The following SATL1 variants were observed in gnomAD, a reference collection of about 807,000 sequenced individuals.
SATL1 encodes spermidine/spermine N1-acetyl transferase like 1, also known as spermidine/spermine N(1)-acetyltransferase-like protein 1.
Under a neutral mutation model 51.8 loss-of-function variants are expected in SATL1, and 47 were observed. That is an observed-to-expected ratio of 0.91 (90% CI 0.72 to 1.16). The LOEUF (loss-of-function observed/expected upper bound fraction) is 1.16. Among genes scored for constraint, SATL1 ranks in the 50% most tolerant of loss-of-function variants. The pLI is 0.00. For synonymous variants in SATL1, 176 were observed against 182.4 expected, an observed-to-expected ratio of 0.97 and a Z score of 0.28; for missense variants, 520 against 526.4, an observed-to-expected ratio of 0.99 and a Z score of 0.12.
At position 85,141,258 on chromosome X, in the gene SATL1, G is replaced by A. The variant is rs749026754; in HGVS notation, c.-312-31978C>T. On this transcript the variant is annotated intron_variant, in intron 2 of 7. Coordinates refer to ENST00000644105, the MANE Select transcript of SATL1 (RefSeq NM_001367857.2). ...CACTCCTAGCTGCAAGACAGGCTGAGATAACAGTAATTAACACTCCCAGCC... is the reference window on the plus strand; with the variant it reads ...CACTCCTAGCTGCAAGACAGGCTGAAATAACAGTAATTAACACTCCCAGCC... Among the ~76,000 whole-genome samples the A allele has an allele frequency of 4.5e-5, 5 of 111,989 alleles. No individual in the cohort carries two copies. In the South Asian group the frequency reaches 1.9e-3, roughly 42 times the overall value.
intron 2 of SATL1, among the ~76,000 whole-genome samples, chrX:85,197,344 A>G (rs1927587594): frequency 9.0e-6 from 1 of 111,273 alleles, no homozygotes; most frequent in Non-Finnish European, 1.9e-5. Context: ...ACATCACTTC[A>G]AGAATTTACC....
At chrX:85,116,239 A>G (rs1041057046) in intron 2 of SATL1, 1 of 111,899 alleles carries the variant, frequency 8.9e-6, no homozygotes, top group Non-Finnish European at 1.9e-5. Context: ...ATTGAGAGGC[A>G]TAAGGCAGAA....
chrX:85,101,711 C>T (rs1399037899), intron 4 of SATL1, among the ~76,000 whole-genome samples: 2 of 111,620 alleles, frequency 1.8e-5, no homozygotes, highest in Non-Finnish European at 3.8e-5. Context: ...GCAACTCAGA[C>T]AGATACTTGT....
At chrX:85,211,326 A>G in intron 2 of SATL1, 1 of 66,957 alleles carries the variant, frequency 1.5e-5, no homozygotes, top group African/African-American at 5.8e-5. Context: ...TGGATCCAAT[A>G]TTATATGCCT....
intron 1 of SATL1, among the ~76,000 whole-genome samples, chrX:85,242,560 G>C (rs1243909435): frequency 8.9e-6 from 1 of 112,146 alleles, no homozygotes; most frequent in African/African-American, 3.2e-5. Flanking sequence ...AGTTCTACTG[G>C]AACACAGCCA....
chrX:85,159,930 T>C (rs1289850365), intron 2 of SATL1, among the ~76,000 whole-genome samples: 2 of 111,570 alleles, frequency 1.8e-5, no homozygotes, highest in African/African-American at 6.5e-5. Flanking sequence ...GCACCATCCA[T>C]TGGCGTTCTG....
At chrX:85,226,831 C>T (rs148791552) in intron 1 of SATL1, among the ~76,000 whole-genome samples, 261 of 110,912 alleles carry the variant, frequency 2.4e-3, no homozygotes, top group African/African-American at 8.0e-3. Context: ...CTCTCCAGCA[C>T]ACTCCTTTTA....
chrX:85,234,887 A>G (rs1458371868), intron 1 of SATL1, among the ~76,000 whole-genome samples: 1 of 110,900 alleles, frequency 9.0e-6, no homozygotes, highest in Non-Finnish European at 1.9e-5. Flanking sequence ...ATGTAAATGG[A>G]CTTAACTCTC....
chrX:85,170,932 C>T (rs1437464802), intron 2 of SATL1, among the ~76,000 whole-genome samples: 1 of 111,263 alleles, frequency 9.0e-6, no homozygotes, highest in Non-Finnish European at 1.9e-5. Context: ...TGAATTAATG[C>T]ATGAATGAAC....
intron 2 of SATL1, among the ~76,000 whole-genome samples, chrX:85,179,575 A>G (rs1168973517): frequency 9.0e-6 from 1 of 111,211 alleles, no homozygotes; most frequent in Non-Finnish European, 1.9e-5. Flanking sequence ...TGTCCATTCA[A>G]TATTCATTAG....
intron 2 of SATL1, among the ~76,000 whole-genome samples, chrX:85,186,592 C>T: frequency 9.0e-6 from 1 of 111,540 alleles, no homozygotes; most frequent in Non-Finnish European, 1.9e-5. Flanking sequence ...CACAGTGGTG[C>T]TTTCTGCTGT....
chrX:85,124,790 A>T (rs1171296419), intron 2 of SATL1, among the ~76,000 whole-genome samples: 1 of 111,072 alleles, frequency 9.0e-6, no homozygotes, highest in African/African-American at 3.3e-5. Context: ...GATAGTAAGC[A>T]AGGGACAAGA....
chrX:85,104,826 GAAT>G (rs1233367570), intron 3 of SATL1, among the ~76,000 whole-genome samples: 2 of 111,337 alleles, frequency 1.8e-5, no homozygotes, highest in Non-Finnish European at 3.8e-5. Flanking sequence ...ATTGTATAGG[GAAT>G]AATGACAAGA....
At chrX:85,114,454 A>G (rs1439984669) in intron 2 of SATL1, among the ~76,000 whole-genome samples, 3 of 111,492 alleles carry the variant, frequency 2.7e-5, no homozygotes, top group Admixed American at 9.6e-5. Context: ...CTAATGTCAC[A>G]ATCTCCAAAG....
intron 2 of SATL1, among the ~76,000 whole-genome samples, chrX:85,141,523 G>T (rs774305050): frequency 9.0e-6 from 1 of 111,685 alleles, no homozygotes; most frequent in Non-Finnish European, 1.9e-5. Context: ...TCACCATATG[G>T]TAGGACTTTC....
In SATL1 at chrX:85,146,814, AATACATGG is replaced by A. The variant is rs368969152; in HGVS notation, c.-312-37542_-312-37535del. ...GAAAGTCATATTCTCCCTCTCCATAAATACATGGACATTTCTGGCTGGCAACCAAGATG... is the reference window on the plus strand; with the variant it reads ...GAAAGTCATATTCTCCCTCTCCATAAACATTTCTGGCTGGCAACCAAGATG... On this transcript the variant is annotated intron_variant, in intron 2 of 7. Coordinates refer to ENST00000644105, the MANE Select transcript of SATL1 (RefSeq NM_001367857.2). 4.3e-3 allele frequency among the ~76,000 whole-genome samples: 489 copies of A among 112,677 alleles called. 2 individuals carry two copies. Among genetic ancestry groups the A allele is most frequent in the African/African-American group, 0.015 (467 of 31,042 alleles).
intron 2 of SATL1, among the ~76,000 whole-genome samples, chrX:85,156,865 AT>A (rs1569238925): frequency 2.0e-4 from 12 of 59,731 alleles, no homozygotes; most frequent in African/African-American, 8.2e-4. Context: ...ATATATATAT[AT>A]ATAAAATATG....
At chrX:85,196,098 C>A (rs66477522) in intron 2 of SATL1, among the ~76,000 whole-genome samples, 27,825 of 107,979 alleles carry the variant, frequency 0.26, 3,905 homozygotes, top group African/African-American at 0.54. Flanking sequence ...GAAATTGAGC[C>A]GGATACAAGA....
chrX:85,144,206 G>C (rs910536613), intron 2 of SATL1, among the ~76,000 whole-genome samples: 1 of 111,797 alleles, frequency 8.9e-6, no homozygotes, highest in Non-Finnish European at 1.9e-5. Context: ...ATATTTAAAG[G>C]TGTAAGTCAA....
Sources: allele counts gnomAD v4.1 joint callset (sites outside exome capture counted in the v4.1 genomes callset), GRCh38; gene constraint gnomAD v4.1.1; transcripts MANE v1.5; gene names NCBI Gene and HGNC (gene_info 2026-07-23, HGNC 2026-07-21).